Variants in AFF1 observed in about 807,000 individuals in gnomAD.
The protein encoded by AFF1 is ALF transcription elongation factor 1.
A neutral mutation model predicts 121.7 loss-of-function variants in AFF1; 48 were observed. The observed-to-expected ratio is 0.39, with a 90% CI of 0.31 to 0.50. The LOEUF (loss-of-function observed/expected upper bound fraction) is 0.50. Among genes scored for constraint, AFF1 ranks in the 20% least tolerant of loss-of-function variants. The pLI is 0.76. For missense variants in AFF1, 1,523 were observed against 1,511.7 expected (o/e 1.01, Z -0.12); for synonymous variants, 613 against 563.0 (o/e 1.09, Z -1.26).
In AFF1 at chr4:87,077,746, T is replaced by A. The variant is rs373233288; in HGVS notation, c.1060-6374T>A. Among the ~76,000 whole-genome samples, 94 of 152,332 alleles carry A rather than the reference T, an allele frequency of 6.2e-4. No homozygotes were observed. In the Middle Eastern group the frequency reaches 0.014, roughly 22 times the overall value. Reference sequence around the variant, plus strand: ...TGCTGGCATATAATGCATCTTTTTTTAAAAATTTATTCTTCTAAACAATGT... The same window carrying A: ...TGCTGGCATATAATGCATCTTTTTTAAAAAATTTATTCTTCTAAACAATGT... On this transcript the variant is annotated intron_variant, in intron 4 of 20. Coordinates refer to ENST00000395146, the MANE Select transcript of AFF1 (RefSeq NM_001166693.3).
chr4:86,980,673 A>T (rs916553361), intron 2 of AFF1, among the ~76,000 whole-genome samples: 1 of 152,188 alleles, frequency 6.6e-6, no homozygotes, highest in African/African-American at 2.4e-5. Context: ...AAAAATGAAA[A>T]TGTGCATTCA....
intron 2 of AFF1, among the ~76,000 whole-genome samples, chr4:87,006,811 A>T (rs1472033808): frequency 6.6e-6 from 1 of 152,196 alleles, no homozygotes; most frequent in African/African-American, 2.4e-5. Context: ...GCCGGGGACC[A>T]GCAGGGCTTG....
In AFF1 at chr4:87,013,929, A is replaced by G. The variant is rs139640307; in HGVS notation, c.39-32237A>G. Among the ~76,000 whole-genome samples, 388 of 152,218 alleles carry G rather than the reference A, an allele frequency of 2.5e-3. 5 individuals are homozygous for G. Among genetic ancestry groups the G allele is most frequent in the African/African-American group, 8.1e-3 (338 of 41,534 alleles). On this transcript the variant is annotated intron_variant, in intron 2 of 20. Transcript: ENST00000395146. ...GGTACCATGCTTTGTGAGATGGTGCATGTGTGAGTGAGAGAGATCATATAA... is the reference window on the plus strand; with the variant it reads ...GGTACCATGCTTTGTGAGATGGTGCGTGTGTGAGTGAGAGAGATCATATAA...
At chr4:87,025,616 G>A (rs1728451492) in intron 2 of AFF1, among the ~76,000 whole-genome samples, 1 of 152,146 alleles carries the variant, frequency 6.6e-6, no homozygotes, top group Non-Finnish European at 1.5e-5. Context: ...GGGATATTTG[G>A]CAATGTCTGG....
At chr4:87,090,580 T>C (rs961440075) in intron 6 of AFF1, among the ~76,000 whole-genome samples, 2 of 152,222 alleles carry the variant, frequency 1.3e-5, no homozygotes, top group Non-Finnish European at 2.9e-5. Flanking sequence ...ATTTATACTT[T>C]TGGATAACCT....
intron 4 of AFF1, among the ~76,000 whole-genome samples, chr4:87,066,623 GAC>G (rs1240286176): frequency 1.3e-5 from 2 of 152,230 alleles, no homozygotes; most frequent in East Asian, 3.9e-4. Flanking sequence ...GGTAGGGAGA[GAC>G]AAGGAGAAGG....
intron 2 of AFF1, among the ~76,000 whole-genome samples, chr4:86,975,307 G>A (rs1302268432): frequency 6.6e-6 from 1 of 152,068 alleles, no homozygotes; most frequent in African/African-American, 2.4e-5. Flanking sequence ...CTGGAGTGCA[G>A]TGGTGCAGTC....
intron 8 of AFF1, among the ~76,000 whole-genome samples, chr4:87,099,251 A>G (rs867016652): frequency 1.2e-4 from 19 of 152,236 alleles, no homozygotes; most frequent in African/African-American, 3.4e-4. Flanking sequence ...AGAACTTGAC[A>G]TTGAAGTAAT....
At chr4:86,985,283 G>C (rs1037531793) in intron 2 of AFF1, among the ~76,000 whole-genome samples, 1 of 148,062 alleles carries the variant, frequency 6.8e-6, no homozygotes, top group Admixed American at 6.8e-5. Context: ...GGCCGAGGTG[G>C]GTGGATCACC....
chr4:87,039,967 T>A (rs1171938520), intron 2 of AFF1, among the ~76,000 whole-genome samples: 1 of 152,168 alleles, frequency 6.6e-6, no homozygotes, highest in Non-Finnish European at 1.5e-5. Context: ...AGTGGCGCGA[T>A]CTCGGCTCAC....
At chr4:87,116,751 G>GT (rs144645286) in intron 12 of AFF1, among the ~76,000 whole-genome samples, 4 of 152,312 alleles carry the variant, frequency 2.6e-5, no homozygotes, top group Non-Finnish European at 5.9e-5. Flanking sequence ...TCCAGTGCTA[G>GT]TAAGTGCTCT....
intron 2 of AFF1, among the ~76,000 whole-genome samples, chr4:87,013,527 T>C (rs979048727): frequency 1.3e-5 from 2 of 152,212 alleles, no homozygotes; most frequent in Admixed American, 1.3e-4. Context: ...ACTCACTGTT[T>C]GACTGCATTC....
chr4:87,071,649 A>G (rs1272791351), intron 4 of AFF1, among the ~76,000 whole-genome samples: 1 of 152,192 alleles, frequency 6.6e-6, no homozygotes. Flanking sequence ...CAGGAGGGCC[A>G]CAGTTGGGTT....
At chr4:86,993,757 GT>G (rs1177229370) in intron 2 of AFF1, among the ~76,000 whole-genome samples, 2 of 152,140 alleles carry the variant, frequency 1.3e-5, no homozygotes, top group Non-Finnish European at 2.9e-5. Flanking sequence ...GAGGTCAGGA[GT>G]TCGAGACCAG....
chr4:87,091,700 A>C, intron 6 of AFF1, 93 bp from the exon 7 acceptor site: 1 of 831,730 alleles, frequency 1.2e-6, no homozygotes, highest in Non-Finnish European at 1.9e-6. Context: ...GTTTCATAAG[A>C]CTATCCTTTT....
At chr4:86,964,951 C>A (rs950318789) in intron 2 of AFF1, among the ~76,000 whole-genome samples, 2 of 152,122 alleles carry the variant, frequency 1.3e-5, no homozygotes, top group Non-Finnish European at 2.9e-5. Flanking sequence ...CTGTGTTTTG[C>A]AAATAACCAG....
intron 2 of AFF1, among the ~76,000 whole-genome samples, chr4:87,027,477 A>C (rs1268614451): frequency 4.6e-5 from 7 of 152,206 alleles, no homozygotes; most frequent in Non-Finnish European, 1.0e-4. Flanking sequence ...TGTGCTTCCA[A>C]ATTACTCCTT....
At chr4:87,089,775 C>T (rs369063200) in intron 5 of AFF1, among the ~76,000 whole-genome samples, 13 of 152,144 alleles carry the variant, frequency 8.5e-5, no homozygotes, top group African/African-American at 2.2e-4. Flanking sequence ...TACAAACTGG[C>T]GTTTTTTAGT....
intron 4 of AFF1, among the ~76,000 whole-genome samples, chr4:87,055,523 C>G (rs1302918600): frequency 6.6e-6 from 1 of 152,192 alleles, no homozygotes; most frequent in Non-Finnish European, 1.5e-5. Context: ...CCCTGAGTCT[C>G]TCCAGTTGTG....
Sources: allele counts gnomAD v4.1 joint callset (sites outside exome capture counted in the v4.1 genomes callset), GRCh38; gene constraint gnomAD v4.1.1; transcripts MANE v1.5; gene names NCBI Gene and HGNC (gene_info 2026-07-23, HGNC 2026-07-21).